WNT3A: variants seen among roughly 807,000 people sequenced by gnomAD.
The protein encoded by WNT3A is Wnt family member 3A, also known as protein Wnt-3a.
A neutral mutation model predicts 37.0 loss-of-function variants in WNT3A; 17 were observed. The observed-to-expected ratio is 0.46, with a 90% CI of 0.31 to 0.69. The LOEUF is 0.69. WNT3A is among the 30% of genes least tolerant of loss of function. The probability of loss-of-function intolerance (pLI) is 0.05; values close to 1 mark genes in which losing one functional copy is unlikely to be tolerated. For missense variants in WNT3A, 411 were observed against 510.2 expected (o/e 0.81, Z 1.87); for synonymous variants, 187 against 211.0 (o/e 0.89, Z 0.99).
Position 228,059,040 on chromosome 1 carries a change from T to C in WNT3A, c.634T>C (p.Cys212Arg). ...CAAGTGCCACGGGCTGTCGGGCAGC[T>C]GCGAGGTGAAGACATGCTGGTGGTC... ...KCKCHGLSGS[C>R]EVKTCWWSQP... is the part of the protein sequence containing the mutation. The change falls in exon 4 of 4, where the codon TGC (cysteine) becomes CGC (arginine). Residue 212 changes from cysteine to arginine, a missense_variant. Coordinates refer to ENST00000284523, the MANE Select transcript of WNT3A (RefSeq NM_033131.4). The C allele has an allele frequency of 2.5e-6, 4 of 1,613,476 alleles. No individual in the cohort carries two copies. Among genetic ancestry groups the C allele is most frequent in the Non-Finnish European group, 3.4e-6 (4 of 1,179,954 alleles).
chr1:228,009,588 C>A (rs2030310957), intron 1 of WNT3A, among the ~76,000 whole-genome samples: 1 of 152,124 alleles, frequency 6.6e-6, no homozygotes, highest in Non-Finnish European at 1.5e-5. Flanking sequence ...GGGGGCCTCC[C>A]TGTAACTCCT....
intron 2 of WNT3A, among the ~76,000 whole-genome samples, chr1:228,034,662 C>CA (rs1265493130): frequency 6.6e-6 from 1 of 152,190 alleles, no homozygotes; most frequent in Non-Finnish European, 1.5e-5. Context: ...AGTTACCATG[C>CA]ATCTCTCAAT....
chr1:228,023,534 CAGAG>C (rs1282449155), intron 2 of WNT3A, among the ~76,000 whole-genome samples: 1 of 150,718 alleles, frequency 6.6e-6, no homozygotes, highest in Non-Finnish European at 1.5e-5. Flanking sequence ...TGCACAGAGA[CAGAG>C]AGAGACAGAA....
intron 1 of WNT3A, among the ~76,000 whole-genome samples, chr1:228,009,250 G>A (rs982116453): frequency 1.3e-5 from 2 of 152,134 alleles, no homozygotes; most frequent in Admixed American, 1.3e-4. Flanking sequence ...CTGCTCCCAG[G>A]CAGGCTGCTC....
intron 2 of WNT3A, among the ~76,000 whole-genome samples, chr1:228,046,895 C>G (rs1451383797): frequency 6.6e-6 from 1 of 152,056 alleles, no homozygotes; most frequent in Non-Finnish European, 1.5e-5. Context: ...ATGCATGTGT[C>G]TGTGTGCGCA....
At chr1:228,032,979 G>A (rs999759345) in intron 2 of WNT3A, among the ~76,000 whole-genome samples, 3 of 152,110 alleles carry the variant, frequency 2.0e-5, no homozygotes, top group African/African-American at 7.2e-5. Flanking sequence ...TCTCTTCCTT[G>A]GAGTAATGTT....
At position 228,039,093 on chromosome 1, in the gene WNT3A, G is replaced by A. The variant is rs914823303; in HGVS notation, c.314-11563G>A. The stretch of plus-strand genomic sequence containing the variant: ...CAGTGCATCCCTGCCAGAGCTGGGG[G>A]TGTCCAGCCAGACAGTCAGCATTGC... On this transcript the variant is annotated intron_variant, in intron 2 of 3. Coordinates refer to ENST00000284523, the MANE Select transcript of WNT3A (RefSeq NM_033131.4). The surrounding 1 kb of genome is among the most constrained non-coding windows in gnomAD (Gnocchi z 4.1). Among the ~76,000 whole-genome samples the A allele has an allele frequency of 6.6e-6, 1 of 152,188 alleles. No homozygotes were observed. Among genetic ancestry groups the A allele is most frequent in the African/African-American group, 2.4e-5 (1 of 41,448 alleles).
rs751054593 is a variant in WNT3A at position 228,007,120 on chromosome 1, C to G, written c.-9C>G. 2 of 1,570,258 alleles carry G rather than the reference C, an allele frequency of 1.3e-6. No individual in the cohort carries two copies. Among genetic ancestry groups the G allele is most frequent in the South Asian group, 2.3e-5 (2 of 85,976 alleles). On this transcript the variant is annotated 5_prime_UTR_variant, in exon 1 of 4. Coordinates refer to ENST00000284523, the MANE Select transcript of WNT3A (RefSeq NM_033131.4). This position sits in a 1 kb window ranked among gnomAD's most constrained non-coding sequence, Gnocchi z 6.0. ...GGACTCCCGGCCCTCCGCGCCCTCT[C>G]GCGCGGCGATGGCCCCACTCGGATA...
In WNT3A at chr1:228,016,061, G is replaced by A. The variant is rs559513076; in HGVS notation, c.72-6606G>A. Among the ~76,000 whole-genome samples the A allele has an allele frequency of 1.5e-3, 222 of 152,202 alleles. 1 individual carries two copies. Among genetic ancestry groups the A allele is most frequent in the African/African-American group, 5.1e-3 (212 of 41,526 alleles). On this transcript the variant is annotated intron_variant, in intron 1 of 3. Coordinates refer to ENST00000284523, the MANE Select transcript of WNT3A (RefSeq NM_033131.4). Reference sequence around the variant, plus strand: ...CCGATGTTGCCCCTTTCTGTCCCCCGCATGTGCTTTAAGCGCCTGCTACTA... The same window carrying A: ...CCGATGTTGCCCCTTTCTGTCCCCCACATGTGCTTTAAGCGCCTGCTACTA...
At chr1:228,026,981 T>G (rs2030868524) in intron 2 of WNT3A, among the ~76,000 whole-genome samples, 1 of 152,218 alleles carries the variant, frequency 6.6e-6, no homozygotes, top group Admixed American at 6.5e-5. Context: ...TAGCTGGGAC[T>G]ACAGGCACCA....
At chr1:228,055,175 AAAAAATATATATATATATATAT>A (rs1223147629) in intron 3 of WNT3A, among the ~76,000 whole-genome samples, 30 of 59,220 alleles carry the variant, frequency 5.1e-4, no homozygotes, top group African/African-American at 2.2e-3. Flanking sequence ...AAAAAAAAAA[AAAAAATATATATATATATATAT>A]ATATATATAT....
In WNT3A at chr1:228,039,983, A is replaced by G. The variant is rs1038211088; in HGVS notation, c.314-10673A>G. 6.6e-6 allele frequency among the ~76,000 whole-genome samples: 1 copy of G among 152,184 alleles called. No homozygotes were observed. Among genetic ancestry groups the G allele is most frequent in the African/African-American group, 2.4e-5 (1 of 41,442 alleles). On this transcript the variant is annotated intron_variant, in intron 2 of 3. Coordinates refer to ENST00000284523, the MANE Select transcript of WNT3A (RefSeq NM_033131.4). The surrounding 1 kb of genome is among the most constrained non-coding windows in gnomAD (Gnocchi z 4.1). ...ACCAACAGGCATGTCCCAGGAGCCC[A>G]GGAGTCCCAGGCTGTCCCTCTCCTC...
rs1391818203 is a variant in WNT3A at position 228,039,725 on chromosome 1, T to C, written c.314-10931T>C. Among the ~76,000 whole-genome samples the C allele has an allele frequency of 6.6e-6, 1 of 152,166 alleles. No homozygotes were observed. Among genetic ancestry groups the C allele is most frequent in the Non-Finnish European group, 1.5e-5 (1 of 68,026 alleles). On this transcript the variant is annotated intron_variant, in intron 2 of 3. Transcript: ENST00000284523. This position sits in a 1 kb window ranked among gnomAD's most constrained non-coding sequence, Gnocchi z 4.1. ...CCCAGGGCGGCCCTGCAGTGATTCATTGGCCCCCCAGCCATGACCATTGTT... is the reference window on the plus strand; with the variant it reads ...CCCAGGGCGGCCCTGCAGTGATTCACTGGCCCCCCAGCCATGACCATTGTT...
chr1:228,045,134 G>A (rs2031371097), intron 2 of WNT3A, among the ~76,000 whole-genome samples: 1 of 152,234 alleles, frequency 6.6e-6, no homozygotes, highest in Admixed American at 6.5e-5. Flanking sequence ...GGGGCTGTTT[G>A]CCTGAGTTTT....
At chr1:228,011,446 GTC>G (rs1463313401) in intron 1 of WNT3A, among the ~76,000 whole-genome samples, 1 of 152,056 alleles carries the variant, frequency 6.6e-6, no homozygotes, top group Non-Finnish European at 1.5e-5. Flanking sequence ...ATCTGTCTGT[GTC>G]TCTCTGTCTC....
intron 1 of WNT3A, among the ~76,000 whole-genome samples, chr1:228,018,911 A>G (rs2030611002): frequency 1.3e-5 from 2 of 152,168 alleles, no homozygotes; most frequent in Non-Finnish European, 2.9e-5. Context: ...TCAGGAAGCA[A>G]TTCAACGAAC....
intron 1 of WNT3A, among the ~76,000 whole-genome samples, chr1:228,009,919 G>C (rs563553622): frequency 6.6e-6 from 1 of 152,110 alleles, no homozygotes; most frequent in Non-Finnish European, 1.5e-5. Flanking sequence ...GCAGAGAGAC[G>C]GGCCTAGCCT....
At chr1:228,015,298 G>C (rs2030494065) in intron 1 of WNT3A, among the ~76,000 whole-genome samples, 1 of 152,224 alleles carries the variant, frequency 6.6e-6, no homozygotes, top group Non-Finnish European at 1.5e-5. Context: ...CAGAGCAAGA[G>C]AGGCTGGAGA....
intron 2 of WNT3A, among the ~76,000 whole-genome samples, chr1:228,027,355 G>T (rs1010807389): frequency 2.0e-5 from 3 of 152,216 alleles, no homozygotes; most frequent in African/African-American, 7.2e-5. Flanking sequence ...TCACCATACT[G>T]TTTTCCACAG....
Sources: allele counts gnomAD v4.1 joint callset (sites outside exome capture counted in the v4.1 genomes callset), GRCh38; gene constraint gnomAD v4.1.1; non-coding constraint Gnocchi (gnomAD v3.1); transcripts MANE v1.5; gene names NCBI Gene and HGNC (gene_info 2026-07-23, HGNC 2026-07-21).